PDLIM5: variants seen among roughly 807,000 people sequenced by gnomAD.
PDLIM5 encodes the protein PDZ and LIM domain 5.
Under a neutral mutation model 64.2 loss-of-function variants are expected in PDLIM5, and 34 were observed. The ratio of observed to expected loss-of-function variants is 0.53; its 90% CI spans 0.40 to 0.71. The LOEUF (loss-of-function observed/expected upper bound fraction) is 0.71, where lower values mean the gene tolerates loss of function less well. Among genes scored for constraint, PDLIM5 ranks in the 30% least tolerant of loss-of-function variants. The pLI is 0.00. For synonymous variants in PDLIM5, 253 were observed against 269.1 expected (o/e 0.94, Z 0.59); for missense variants, 683 against 733.6 (o/e 0.93, Z 0.80).
intron 8 of PDLIM5, among the ~76,000 whole-genome samples, chr4:94,624,469 G>A (rs138834061): frequency 6.6e-6 from 1 of 152,280 alleles, no homozygotes; most frequent in Non-Finnish European, 1.5e-5. Context: ...TCAAAAAGGT[G>A]CAAAGAAGAG....
At chr4:94,593,340 C>T (rs1055413675) in intron 7 of PDLIM5, among the ~76,000 whole-genome samples, 1 of 152,136 alleles carries the variant, frequency 6.6e-6, no homozygotes, top group Non-Finnish European at 1.5e-5. Flanking sequence ...GTTTAGGCTG[C>T]CACAAGATAC....
chr4:94,461,222 C>G (rs893378706), intron 2 of PDLIM5, among the ~76,000 whole-genome samples: 5 of 152,156 alleles, frequency 3.3e-5, no homozygotes, highest in Non-Finnish European at 7.3e-5. Flanking sequence ...AGATGAGACT[C>G]TAGGCCTTTA....
At chr4:94,506,826 A>G (rs1301779661) in intron 2 of PDLIM5, among the ~76,000 whole-genome samples, 2 of 152,228 alleles carry the variant, frequency 1.3e-5, no homozygotes, top group Admixed American at 1.3e-4. Flanking sequence ...TTGGAAGAGG[A>G]AGACCCACCC....
intron 9 of PDLIM5, among the ~76,000 whole-genome samples, chr4:94,650,346 C>A (rs1741746712): frequency 6.6e-6 from 1 of 152,180 alleles, no homozygotes; most frequent in Admixed American, 6.5e-5. Flanking sequence ...TTGGCAAATA[C>A]AAAAACATAA....
At chr4:94,495,347 T>C (rs1727289878) in intron 2 of PDLIM5, among the ~76,000 whole-genome samples, 1 of 152,204 alleles carries the variant, frequency 6.6e-6, no homozygotes, top group Admixed American at 6.5e-5. Context: ...GACACAACTG[T>C]GTAAGCATGG....
At chr4:94,499,449 TC>T (rs1194708475) in intron 2 of PDLIM5, among the ~76,000 whole-genome samples, 1 of 152,162 alleles carries the variant, frequency 6.6e-6, no homozygotes, top group African/African-American at 2.4e-5. Context: ...AGGTTCTGCA[TC>T]TGTGGATTGA....
intron 2 of PDLIM5, among the ~76,000 whole-genome samples, chr4:94,522,230 C>T (rs960972827): frequency 2.6e-5 from 4 of 152,148 alleles, no homozygotes; most frequent in East Asian, 3.8e-4. Flanking sequence ...ATAAGTGGAA[C>T]GACCTTCCCG....
Position 94,630,396 on chromosome 4 carries a change from A to G in PDLIM5, c.1109-9880A>G, listed in dbSNP as rs534892406. The stretch of plus-strand genomic sequence containing the variant: ...ATATATATGTATATATTTTTTTAAG[A>G]CAGAATCTCACTCTGTCACCCAGGC... On this transcript the variant is annotated intron_variant, in intron 8 of 12. Coordinates refer to ENST00000317968, the MANE Select transcript of PDLIM5 (RefSeq NM_006457.5). Among the ~76,000 whole-genome samples, 71 of 152,128 alleles carry G rather than the reference A, an allele frequency of 4.7e-4. 1 individual carries two copies. Among genetic ancestry groups the G allele is most frequent in the East Asian group, 4.0e-3 (21 of 5,186 alleles).
chr4:94,610,557 T>A (rs775676614), intron 7 of PDLIM5, among the ~76,000 whole-genome samples: 1 of 152,220 alleles, frequency 6.6e-6, no homozygotes, highest in Non-Finnish European at 1.5e-5. Flanking sequence ...GCGTGAATTA[T>A]TACATGTTGT....
At chr4:94,514,185 A>G (rs1729156387) in intron 2 of PDLIM5, among the ~76,000 whole-genome samples, 1 of 136,242 alleles carries the variant, frequency 7.3e-6, no homozygotes, top group Non-Finnish European at 1.5e-5. Flanking sequence ...CCAAGGCTGG[A>G]GTGCAGTGGC....
At chr4:94,606,994 G>A (rs1273907843) in intron 7 of PDLIM5, among the ~76,000 whole-genome samples, 1 of 152,218 alleles carries the variant, frequency 6.6e-6, no homozygotes, top group Non-Finnish European at 1.5e-5. Flanking sequence ...TACAAAGACA[G>A]GCAGGGCCTG....
chr4:94,483,232 C>T (rs1018214778), intron 2 of PDLIM5, among the ~76,000 whole-genome samples: 9 of 151,992 alleles, frequency 5.9e-5, no homozygotes, highest in African/African-American at 1.9e-4. Flanking sequence ...TTTTTAATTT[C>T]CTTCTGATCA....
chr4:94,534,822 C>G (rs1039888031), intron 3 of PDLIM5, among the ~76,000 whole-genome samples: 6 of 152,040 alleles, frequency 3.9e-5, no homozygotes, highest in African/African-American at 1.4e-4. Context: ...GGAGAAACAG[C>G]GAGGGAAGTC....
intron 7 of PDLIM5, chr4:94,587,420 C>A: frequency 9.6e-7 from 1 of 1,043,358 alleles, no homozygotes; most frequent in Non-Finnish European, 1.2e-6. Flanking sequence ...TTGGTTGAAG[C>A]AGAGGATAAT....
chr4:94,623,448 T>C (rs1346243610), intron 8 of PDLIM5, among the ~76,000 whole-genome samples: 1 of 152,218 alleles, frequency 6.6e-6, no homozygotes, highest in Non-Finnish European at 1.5e-5. Flanking sequence ...TCCCCCTTTG[T>C]GAAGCTTTCT....
At chr4:94,507,611 T>C (rs982330306) in intron 2 of PDLIM5, among the ~76,000 whole-genome samples, 2 of 152,226 alleles carry the variant, frequency 1.3e-5, no homozygotes, top group Non-Finnish European at 2.9e-5. Context: ...AATATTGGTC[T>C]CAGCATTCAA....
At chr4:94,541,853 AC>A (rs1273402463) in intron 3 of PDLIM5, among the ~76,000 whole-genome samples, 2 of 152,182 alleles carry the variant, frequency 1.3e-5, no homozygotes, top group African/African-American at 4.8e-5. Context: ...GATGGAATAA[AC>A]TGCTTTAACA....
intron 8 of PDLIM5, among the ~76,000 whole-genome samples, chr4:94,626,123 A>G (rs1289486470): frequency 1.3e-5 from 2 of 152,216 alleles, no homozygotes; most frequent in East Asian, 3.9e-4. Context: ...TTCAAAATGA[A>G]TAGTTAATTT....
At chr4:94,476,331 T>C (rs982048948) in intron 2 of PDLIM5, among the ~76,000 whole-genome samples, 1 of 152,180 alleles carries the variant, frequency 6.6e-6, no homozygotes, top group African/African-American at 2.4e-5. Flanking sequence ...ATATTTTAAT[T>C]AAGAGTTAGT....
Sources: gnomAD v4.1 joint callset for allele counts (sites outside exome capture counted in the v4.1 genomes callset) on GRCh38, gnomAD v4.1.1 for gene constraint, MANE v1.5 for transcripts, NCBI Gene and HGNC (gene_info 2026-07-23, HGNC 2026-07-21) for gene names.